HECTD2: variants seen among roughly 807,000 people sequenced by gnomAD.
HECTD2 encodes HECT domain E3 ubiquitin protein ligase 2, also known as probable E3 ubiquitin-protein ligase HECTD2.
A neutral mutation model predicts 103.2 loss-of-function variants in HECTD2; 35 were observed. The observed-to-expected ratio is 0.34, with a 90% CI of 0.26 to 0.45. The LOEUF (loss-of-function observed/expected upper bound fraction) is 0.45. HECTD2 is among the 20% of genes least tolerant of loss of function. HECTD2 has a pLI of 1.00. For missense variants in HECTD2, 596 were observed against 937.4 expected (o/e 0.64, Z 4.76); for synonymous variants, 281 against 329.9 (o/e 0.85, Z 1.61).
intron 1 of HECTD2, among the ~76,000 whole-genome samples, chr10:91,420,030 G>T: frequency 6.6e-6 from 1 of 152,094 alleles, no homozygotes; most frequent in South Asian, 2.1e-4. Flanking sequence ...TAATCATTTT[G>T]CCATTGCACA....
At chr10:91,410,689 T>TG in intron 1 of HECTD2, 113 bp downstream of exon 1, 5 of 999,464 alleles carry the variant, frequency 5.0e-6, no homozygotes, top group Non-Finnish European at 6.6e-6. Flanking sequence ...GCCCTGGCAC[T>TG]CCAGGGAGAC....
intron 6 of HECTD2, 134 bp from the exon 7 acceptor site, chr10:91,480,960 A>G (rs1846068472): frequency 6.9e-6 from 4 of 580,470 alleles, no homozygotes; most frequent in Non-Finnish European, 1.2e-5. Context: ...GACTGTCTCA[A>G]TAATAATGCA....
At chr10:91,425,646 A>G (rs1843529178) in intron 2 of HECTD2, among the ~76,000 whole-genome samples, 1 of 150,998 alleles carries the variant, frequency 6.6e-6, no homozygotes, top group Admixed American at 6.6e-5. Flanking sequence ...AGGTGGCTAC[A>G]TTATAAATAA....
intron 2 of HECTD2, among the ~76,000 whole-genome samples, chr10:91,446,272 T>C (rs1381581039): frequency 7.1e-6 from 1 of 140,038 alleles, no homozygotes; most frequent in Non-Finnish European, 1.6e-5. Context: ...CCAGCAGACC[T>C]TTCCTTCTAA....
chr10:91,429,121 A>T (rs1843718772), intron 2 of HECTD2, among the ~76,000 whole-genome samples: 1 of 151,906 alleles, frequency 6.6e-6, no homozygotes, highest in East Asian at 1.9e-4. Context: ...CCTTTTCTGC[A>T]TCTATTGAGA....
At chr10:91,461,957 G>C in intron 4 of HECTD2, 138 bp from the exon 5 acceptor site, 1 of 620,910 alleles carries the variant, frequency 1.6e-6, no homozygotes. Flanking sequence ...TTTATTTTCA[G>C]AAATTTTGCC....
At chr10:91,482,824 T>G (rs1589530156) in intron 7 of HECTD2, 143 bp from the exon 8 acceptor site, 2 of 468,208 alleles carry the variant, frequency 4.3e-6, no homozygotes, top group East Asian at 3.7e-5. Context: ...AAAGTCTCTG[T>G]TAATTAAATA....
chr10:91,425,367 C>T lies in HECTD2; in HGVS notation c.225C>T (p.Asn75=), dbSNP rs115144900. ...GCCCGAAGAAAGAAGCTGCTGAAAA[C>T]AGAAGTTCACCTGCACATCTTGTTT... ...AVSPKKEAAE[N]RSSPAHLVFP... Residue 75 remains asparagine (N), a synonymous_variant, in exon 2 of 21, where the codon AAC becomes AAT. Coordinates refer to ENST00000298068, the MANE Select transcript of HECTD2 (RefSeq NM_182765.6). 1.3e-3 allele frequency: 2,014 copies of T among 1,579,378 alleles called. 15 individuals carry two copies. The African/African-American group carries it at 0.019, about 15-fold the overall frequency.
chr10:91,498,943 C>T lies in HECTD2; in HGVS notation c.1827C>T (p.Thr609=), dbSNP rs1289583203. Reference sequence around the variant, plus strand: ...CCGGTGGTGATAAAATTTCAGTTACCAATCAAAATAGAAAAGGTAAGTTAA... The same window carrying T: ...CCGGTGGTGATAAAATTTCAGTTACTAATCAAAATAGAAAAGGTAAGTTAA... The part of the protein sequence containing the change: ...LKPGGDKISV[T]NQNRKEYVQL... Residue 609 remains threonine (T), a synonymous_variant, in exon 17 of 21, where the codon ACC becomes ACT. Transcript: ENST00000298068. 1.3e-6 allele frequency: 2 copies of T among 1,596,634 alleles called. No individual in the cohort carries two copies. Among genetic ancestry groups the T allele is most frequent in the East Asian group, 4.5e-5 (2 of 44,684 alleles).
At position 91,500,602 on chromosome 10, in the gene HECTD2, C is replaced by T. The variant is rs867057773; in HGVS notation, c.2051C>T (p.Thr684Met). Residue 684 changes from threonine to methionine, a missense_variant, in exon 19 of 21, where the codon ACG becomes ATG. By Grantham distance (81) the Thr-to-Met change is moderately conservative (BLOSUM62 -1). Around this residue, in one of 4 missense-constraint regions of HECTD2, gnomAD observed 69 missense variants for 153.8 expected, o/e 0.45. Transcript: ENST00000298068. ...RSTQYDGYAK[T>M]DLTIKYFWDV... ...ACTCAGTATGATGGCTATGCAAAAA[C>T]GGACTTAACTATAAAGTGAGCTCTT... 6.4e-7 allele frequency: 1 copy of T among 1,571,436 alleles called. No homozygotes were observed. The highest frequency in any genetic ancestry group is 8.8e-7 in the Non-Finnish European group (1 of 1,141,324).
At chr10:91,420,610 AAAAG>A (rs1345815933) in intron 1 of HECTD2, among the ~76,000 whole-genome samples, 2 of 152,068 alleles carry the variant, frequency 1.3e-5, no homozygotes, top group African/African-American at 2.4e-5. Flanking sequence ...AAAAAAGAAA[AAAAG>A]AAAATCAGTC....
At chr10:91,428,166 T>C (rs1236906269) in intron 2 of HECTD2, among the ~76,000 whole-genome samples, 3 of 151,468 alleles carry the variant, frequency 2.0e-5, no homozygotes, top group African/African-American at 2.4e-5. Flanking sequence ...TTCTCAGGTT[T>C]GTCAAAGATC....
intron 18 of HECTD2, among the ~76,000 whole-genome samples, chr10:91,500,285 C>T (rs1294801252): frequency 2.0e-5 from 3 of 152,080 alleles, no homozygotes; most frequent in African/African-American, 4.8e-5. Flanking sequence ...TTCTGGCAAA[C>T]GGCTAATTAC....
chr10:91,507,959 A>G (rs1847261208), intron 20 of HECTD2, among the ~76,000 whole-genome samples: 1 of 139,240 alleles, frequency 7.2e-6, no homozygotes, highest in Non-Finnish European at 1.5e-5. Context: ...GCCCTCAGAA[A>G]TAATGCCGCA....
At chr10:91,510,661 G>A (rs1288998066) in intron 20 of HECTD2, among the ~76,000 whole-genome samples, 2 of 152,142 alleles carry the variant, frequency 1.3e-5, no homozygotes, top group Non-Finnish European at 2.9e-5. Flanking sequence ...ATAAAAATAA[G>A]TTGTGTAGCT....
chr10:91,478,316 C>A, intron 6 of HECTD2, 51 bp downstream of exon 6: 1 of 1,081,276 alleles, frequency 9.2e-7, no homozygotes, highest in African/African-American at 1.6e-5. Context: ...GTCTAACTTA[C>A]ACATCATATA....
Position 91,483,018 on chromosome 10 carries a change from C to T in HECTD2, c.763C>T (p.Arg255Ter). 2.5e-6 allele frequency: 4 copies of T among 1,591,238 alleles called. No individual in the cohort carries two copies. Among genetic ancestry groups the T allele is most frequent in the Non-Finnish European group, 2.6e-6 (3 of 1,162,052 alleles). Residue 255 changes from arginine to a stop codon, truncating the protein, a stop_gained, in exon 8 of 21, where the codon CGA becomes TGA. Transcript: ENST00000298068. LOFTEE classifies it high-confidence loss of function. ...GTATGTCATCTATGCTCACTTGCTA[C>T]GACAGATAGCTACCTTAGTGGAAGC... ...STYVIYAHLL[R>*]QIATLVEADH...
At chr10:91,495,090 T>C (rs1204725920) in intron 14 of HECTD2, among the ~76,000 whole-genome samples, 1 of 152,026 alleles carries the variant, frequency 6.6e-6, no homozygotes, top group African/African-American at 2.4e-5. Context: ...CTCATTATTA[T>C]GTGTGTTTAT....
intron 8 of HECTD2, among the ~76,000 whole-genome samples, chr10:91,483,653 A>G (rs1349923750): frequency 1.3e-5 from 2 of 151,972 alleles, no homozygotes; most frequent in East Asian, 1.9e-4. Context: ...ATCATTATTC[A>G]TAGTAGTTAT....
Sources: gnomAD v4.1 joint callset for allele counts (sites outside exome capture counted in the v4.1 genomes callset) on GRCh38, gnomAD v4.1.1 for gene constraint, gnomAD v4.1.1 regional missense constraint, MANE v1.5 for transcripts, NCBI Gene and HGNC (gene_info 2026-07-23, HGNC 2026-07-21) for gene names.